CD200: variants seen among roughly 807,000 people sequenced by gnomAD.
CD200 encodes OX-2 membrane glycoprotein.
CD200 carries 15 observed loss-of-function variants against 30.9 expected under a neutral mutation model. The observed-to-expected ratio is 0.49, with a 90% CI of 0.32 to 0.75. CD200 has a LOEUF of 0.75. CD200 is among the 30% of genes least tolerant of loss of function. The pLI is 0.03. For synonymous variants in CD200, 134 were observed against 126.2 expected (o/e 1.06, Z -0.41); for missense variants, 262 against 324.2 (o/e 0.81, Z 1.47).
chr3:112,339,263 A>G (rs1401690136), intron 1 of CD200, among the ~76,000 whole-genome samples: 1 of 152,238 alleles, frequency 6.6e-6, no homozygotes, highest in African/African-American at 2.4e-5. Context: ...CTAAGCAGAA[A>G]ATAAATTTTA....
chr3:112,343,237 AAT>A (rs2081309095), intron 2 of CD200, among the ~76,000 whole-genome samples: 1 of 151,896 alleles, frequency 6.6e-6, no homozygotes, highest in Non-Finnish European at 1.5e-5. Flanking sequence ...TAGTGTATAT[AAT>A]ATAAACATAT....
chr3:112,349,169 T>G (rs930495341), intron 4 of CD200, among the ~76,000 whole-genome samples: 2 of 152,188 alleles, frequency 1.3e-5, no homozygotes, highest in African/African-American at 4.8e-5. Flanking sequence ...ACTGAGGAAC[T>G]GATATTTAGG....
intron 5 of CD200, among the ~76,000 whole-genome samples, chr3:112,356,984 G>T (rs963098152): frequency 3.3e-5 from 5 of 152,160 alleles, no homozygotes; most frequent in African/African-American, 1.2e-4. Flanking sequence ...CCTAATGGCC[G>T]GGCGCGGTGG....
At chr3:112,351,252 G>A (rs934061304) in intron 5 of CD200, among the ~76,000 whole-genome samples, 4 of 152,302 alleles carry the variant, frequency 2.6e-5, no homozygotes, top group South Asian at 2.1e-4. Context: ...ATGCCCCAAT[G>A]TCTTGACTTG....
At chr3:112,354,968 T>G (rs1435789493) in intron 5 of CD200, among the ~76,000 whole-genome samples, 1 of 152,232 alleles carries the variant, frequency 6.6e-6, no homozygotes, top group Non-Finnish European at 1.5e-5. Context: ...TTTATAAGGA[T>G]CCTTGTGATT....
At chr3:112,353,712 C>T (rs2081577984) in intron 5 of CD200, among the ~76,000 whole-genome samples, 1 of 152,076 alleles carries the variant, frequency 6.6e-6, no homozygotes, top group South Asian at 2.1e-4. Context: ...AAATAACAAC[C>T]TTTGCTTTGC....
intron 2 of CD200, among the ~76,000 whole-genome samples, chr3:112,344,716 A>G (rs2081342818): frequency 6.6e-6 from 1 of 152,172 alleles, no homozygotes; most frequent in Admixed American, 6.5e-5. Context: ...ATCATTCACA[A>G]TTTCTTGTAA....
intron 5 of CD200, among the ~76,000 whole-genome samples, chr3:112,355,196 C>A (rs949905397): frequency 6.6e-6 from 1 of 152,142 alleles, no homozygotes; most frequent in East Asian, 1.9e-4. Flanking sequence ...TGGAAGCATT[C>A]TCTCTCTGTA....
In CD200 at chr3:112,361,907, T is replaced by A. The variant is rs377142047; in HGVS notation, c.*357T>A. ...GTTAGTCACTTTACCTCATCCAAAG[T>A]ATAAAGGAATTGGACCAAATAATTT... On this transcript the variant is annotated 3_prime_UTR_variant, in exon 6 of 6. Coordinates refer to ENST00000315711, the MANE Select transcript of CD200 (RefSeq NM_005944.7). 1 of 262,512 alleles carries A rather than the reference T, an allele frequency of 3.8e-6. No individual in the cohort carries two copies. Among genetic ancestry groups the A allele is most frequent in the Middle Eastern group, 1.2e-3 (1 of 854 alleles). The allele number at this position is 262,512 out of a possible 1,614,324, so 16.3% of individuals were successfully genotyped here. A position where few individuals can be genotyped will look rare whatever the true frequency, so the allele number is the denominator to read the frequency against.
chr3:112,333,119 G>T (rs2081031447), upstream of CD200: 1 of 1,525,402 alleles, frequency 6.6e-7, no homozygotes, highest in Non-Finnish European at 8.8e-7. Flanking sequence ...GGGAGGTGCG[G>T]CAGGGGCACA....
rs1171771112 is a variant in CD200 at position 112,361,653 on chromosome 3, G to C, written c.*103G>C. On this transcript the variant is annotated 3_prime_UTR_variant, in exon 6 of 6. Transcript: ENST00000315711. Reference sequence around the variant, plus strand: ...GCCATTCTCCAAAGGACCTGAAAGAGCAAAAGAGGTGGGAGCGAAAGCCTT... The same window carrying C: ...GCCATTCTCCAAAGGACCTGAAAGACCAAAAGAGGTGGGAGCGAAAGCCTT... 1.9e-6 allele frequency: 2 copies of C among 1,063,036 alleles called. No individual in the cohort carries two copies. Among genetic ancestry groups the C allele is most frequent in the Non-Finnish European group, 2.9e-6 (2 of 679,620 alleles). 65.9% of individuals were successfully genotyped at this position (1,063,036 alleles called of 1,614,324 possible).
intron 2 of CD200, among the ~76,000 whole-genome samples, chr3:112,344,435 C>T (rs1167440936): frequency 6.6e-6 from 1 of 152,172 alleles, no homozygotes; most frequent in African/African-American, 2.4e-5. Context: ...ATCTCTTTAC[C>T]TATGTTCCTA....
intron 5 of CD200, among the ~76,000 whole-genome samples, chr3:112,360,591 C>T (rs966428200): frequency 6.6e-6 from 1 of 151,988 alleles, no homozygotes; most frequent in Non-Finnish European, 1.5e-5. Flanking sequence ...AATATTGAGC[C>T]ATGTTGGGAG....
chr3:112,347,494 G>C, intron 3 of CD200, 64 bp from the exon 4 acceptor site: 1 of 1,483,732 alleles, frequency 6.7e-7, no homozygotes, highest in Non-Finnish European at 9.4e-7. Context: ...ATCTCTCTGA[G>C]GAGACTGCAG....
At chr3:112,353,942 T>C (rs2081582904) in intron 5 of CD200, among the ~76,000 whole-genome samples, 1 of 152,186 alleles carries the variant, frequency 6.6e-6, no homozygotes, top group Admixed American at 6.5e-5. Flanking sequence ...GAATCTTCAT[T>C]GAACTGCTTA....
At chr3:112,360,100 G>A (rs936814053) in intron 5 of CD200, among the ~76,000 whole-genome samples, 4 of 152,196 alleles carry the variant, frequency 2.6e-5, no homozygotes, top group African/African-American at 9.6e-5. Flanking sequence ...GGCTGAGGCA[G>A]GCAGATCACC....
chr3:112,337,149 G>T (rs1283405625), intron 1 of CD200, among the ~76,000 whole-genome samples: 2 of 152,074 alleles, frequency 1.3e-5, no homozygotes, highest in Admixed American at 1.3e-4. Context: ...TCTCAAACTG[G>T]AAAGCAGATG....
intron 5 of CD200, among the ~76,000 whole-genome samples, chr3:112,351,788 C>T (rs895628439): frequency 6.6e-6 from 1 of 152,156 alleles, no homozygotes; most frequent in African/African-American, 2.4e-5. Context: ...AAAGGCTATA[C>T]AAGCACAGTG....
upstream of CD200, chr3:112,333,125 G>A (rs574390089): frequency 1.2e-3 from 1,889 of 1,534,666 alleles, no homozygotes; most frequent in Non-Finnish European, 1.5e-3. Context: ...TGCGGCAGGG[G>A]CACAGGTGAC....
Sources: gnomAD v4.1 joint callset for allele counts (sites outside exome capture counted in the v4.1 genomes callset) on GRCh38, gnomAD v4.1.1 for gene constraint, MANE v1.5 for transcripts, NCBI Gene and HGNC (gene_info 2026-07-23, HGNC 2026-07-21) for gene names.